The following RRP1B variants were observed in gnomAD, a reference collection of about 807,000 sequenced individuals.
RRP1B encodes ribosomal RNA processing protein 1 homolog B.
Under a neutral mutation model 80.2 loss-of-function variants are expected in RRP1B, and 56 were observed. That is an observed-to-expected ratio of 0.70 (90% CI 0.56 to 0.87). The LOEUF is 0.87. Among genes scored for constraint, RRP1B ranks in the 40% least tolerant of loss-of-function variants. The probability of loss-of-function intolerance (pLI) is 0.00; values close to 1 mark genes in which losing one functional copy is unlikely to be tolerated. For missense variants in RRP1B, 807 were observed against 939.8 expected, an observed-to-expected ratio of 0.86 and a Z score of 1.85; for synonymous variants, 351 against 357.6, an observed-to-expected ratio of 0.98 and a Z score of 0.21.
chr21:43,686,701 C>CGAT, intron 11 of RRP1B, 103 bp from the exon 12 acceptor site: 1 of 1,343,634 alleles, frequency 7.4e-7, no homozygotes, highest in Non-Finnish European at 1.0e-6. Flanking sequence ...CGGTGAGGAA[C>CGAT]GATGATGATG....
intron 11 of RRP1B, chr21:43,686,542 G>A (rs895665316): frequency 6.4e-5 from 23 of 359,300 alleles, no homozygotes; most frequent in African/African-American, 4.5e-4. Flanking sequence ...GGAATGCAGA[G>A]ACTGCATTAG....
chr21:43,681,259 A>C (rs201936444), intron 8 of RRP1B, among the ~76,000 whole-genome samples: 1 of 132,168 alleles, frequency 7.6e-6, no homozygotes, highest in Non-Finnish European at 1.7e-5. Context: ...TAAATAAATA[A>C]ACAGATAGAT....
chr21:43,675,100 T>C lies in RRP1B; in HGVS notation c.486T>C (p.Asn162=), dbSNP rs569182534. The change falls in exon 6 of 16, where the codon AAT becomes AAC. Residue 162 remains asparagine, a synonymous_variant. Transcript: ENST00000340648. Reference sequence around the variant, plus strand: ...TGTGTCCTGAGAGTCAGTCTCCTAATGGAGTGAGATTCCACTTCATTGATA... The same window carrying C: ...TGTGTCCTGAGAGTCAGTCTCCTAACGGAGTGAGATTCCACTTCATTGATA... ...EVLCPESQSP[N]GVRFHFIDIY... 6.2e-7 allele frequency: 1 copy of C among 1,614,110 alleles called. No individual in the cohort carries two copies. Among genetic ancestry groups the C allele is most frequent in the South Asian group, 1.1e-5 (1 of 91,064 alleles).
intron 1 of RRP1B, among the ~76,000 whole-genome samples, chr21:43,668,392 G>T (rs1248299671): frequency 7.0e-6 from 1 of 141,982 alleles, no homozygotes; most frequent in Non-Finnish European, 1.5e-5. Flanking sequence ...ACGGACTCTC[G>T]CTCTGTCGCC....
chr21:43,677,029 C>T (rs1178584633), intron 8 of RRP1B, 115 bp downstream of exon 8: 2 of 1,018,620 alleles, frequency 2.0e-6, no homozygotes, highest in African/African-American at 1.6e-5. Context: ...GTTGATGGCT[C>T]TGCCTCAGCC....
chr21:43,685,733 TTTTTTTATTTTTTA>T (rs758617917), intron 10 of RRP1B, 23 bp from the exon 11 acceptor site: 33 of 1,380,696 alleles, frequency 2.4e-5, no homozygotes, highest in Non-Finnish European at 3.0e-5. Context: ...ACATTTGTTA[TTTTTTTATTTTTTA>T]TTTTTTATTT....
chr21:43,683,004 C>T (rs1434973195), intron 8 of RRP1B, among the ~76,000 whole-genome samples: 1 of 152,164 alleles, frequency 6.6e-6, no homozygotes, highest in African/African-American at 2.4e-5. Context: ...TCCCAAGTAG[C>T]TGGGATTACA....
At chr21:43,689,218 T>C (rs1026896059) in intron 13 of RRP1B, among the ~76,000 whole-genome samples, 1 of 152,180 alleles carries the variant, frequency 6.6e-6, no homozygotes, top group Non-Finnish European at 1.5e-5. Flanking sequence ...AGGGGAGTGG[T>C]AGAGACAGAG....
At chr21:43,684,701 C>A in intron 10 of RRP1B, 51 bp downstream of exon 10, 1 of 1,455,138 alleles carries the variant, frequency 6.9e-7, no homozygotes, top group South Asian at 1.1e-5. Flanking sequence ...TAGTTCTCAT[C>A]TCCTGGTGTG....
intron 8 of RRP1B, 132 bp downstream of exon 8, chr21:43,677,046 A>C: frequency 1.1e-6 from 1 of 880,444 alleles, no homozygotes; most frequent in Non-Finnish European, 1.7e-6. Context: ...AGCCCCTCCC[A>C]AGAAAGGCAG....
chr21:43,674,585 CCTT>C, intron 4 of RRP1B, 48 bp from the exon 5 acceptor site: 1 of 572,684 alleles, frequency 1.7e-6, no homozygotes, highest in Non-Finnish European at 2.5e-6. Flanking sequence ...TCTTACCTTT[CCTT>C]TTTTTTTTTT....
At chr21:43,670,158 CAAATAAAAGGA>C (rs1344175673) in intron 2 of RRP1B, among the ~76,000 whole-genome samples, 192 bp downstream of exon 2, 1 of 152,188 alleles carries the variant, frequency 6.6e-6, no homozygotes, top group Non-Finnish European at 1.5e-5. Context: ...ATTGTCTTTT[CAAATAAAAGGA>C]AAGATGTGCA....
intron 1 of RRP1B, among the ~76,000 whole-genome samples, chr21:43,669,471 A>G (rs934770478): frequency 6.6e-5 from 10 of 152,100 alleles, no homozygotes; most frequent in African/African-American, 9.7e-5. Context: ...GGGGCTTCAT[A>G]TGACTTGAGC....
intron 7 of RRP1B, 115 bp from the exon 8 acceptor site, chr21:43,676,618 T>G: frequency 5.1e-6 from 5 of 975,556 alleles, no homozygotes; most frequent in Non-Finnish European, 7.6e-6. Context: ...TGCTGGCCCG[T>G]GGGGGCCACT....
Position 43,659,849 on chromosome 21 carries a change from G to C in RRP1B, c.130+55G>C. On this transcript the variant is annotated intron_variant, in intron 1 of 15. Coordinates refer to ENST00000340648, the MANE Select transcript of RRP1B (RefSeq NM_015056.3). This position sits in a 1 kb window ranked among gnomAD's most constrained non-coding sequence, Gnocchi z 4.2. Reference sequence around the variant, plus strand: ...ACATGGCGGGCCGGGGGCCGGGGCTGGGGCTAGGGCCAGGGCCCCGGCACG... The same window carrying C: ...ACATGGCGGGCCGGGGGCCGGGGCTCGGGCTAGGGCCAGGGCCCCGGCACG... 6.9e-7 allele frequency: 1 copy of C among 1,456,832 alleles called. No individual in the cohort carries two copies. The highest frequency in any genetic ancestry group is 9.1e-7 in the Non-Finnish European group (1 of 1,097,692). The allele number at this position is 1,456,832 out of a possible 1,614,324, so 90.2% of individuals were successfully genotyped here.
At chr21:43,688,525 C>G (rs1475435924) in intron 13 of RRP1B, among the ~76,000 whole-genome samples, 4 of 152,250 alleles carry the variant, frequency 2.6e-5, no homozygotes. Flanking sequence ...CCAGGCACTC[C>G]TGCCCCAGGC....
intron 1 of RRP1B, among the ~76,000 whole-genome samples, chr21:43,665,042 G>C (rs1180615901): frequency 2.6e-5 from 4 of 152,170 alleles, no homozygotes; most frequent in African/African-American, 4.8e-5. Context: ...CCACTGTCCA[G>C]GGTCTGTTGT....
In RRP1B at chr21:43,695,181, T is replaced by G. The variant is rs897303117; in HGVS notation, c.*1798T>G. The G allele has an allele frequency of 6.6e-5, 10 of 152,190 alleles. No individual in the cohort carries two copies. The highest frequency in any genetic ancestry group is 2.4e-4 in the African/African-American group (10 of 41,444). The allele number at this position is 152,190 out of a possible 1,614,324, so 9.4% of individuals were successfully genotyped here. A position where few individuals can be genotyped will look rare whatever the true frequency, so the allele number is the denominator to read the frequency against. On this transcript the variant is annotated 3_prime_UTR_variant, in exon 16 of 16. Coordinates refer to ENST00000340648, the MANE Select transcript of RRP1B (RefSeq NM_015056.3). Reference sequence around the variant, plus strand: ...CAAATAGTTTTAACTTTTCTTTTTTTTTTTTAAGTTTCATTCTTCCTAGAA... The same window carrying G: ...CAAATAGTTTTAACTTTTCTTTTTTGTTTTTAAGTTTCATTCTTCCTAGAA...
At chr21:43,686,543 A>C in intron 11 of RRP1B, 1 of 360,254 alleles carries the variant, frequency 2.8e-6, no homozygotes, top group Non-Finnish European at 5.2e-6. Flanking sequence ...GAATGCAGAG[A>C]CTGCATTAGC....
Sources: allele counts gnomAD v4.1 joint callset (sites outside exome capture counted in the v4.1 genomes callset), GRCh38; gene constraint gnomAD v4.1.1; non-coding constraint Gnocchi (gnomAD v3.1); transcripts MANE v1.5; gene names NCBI Gene and HGNC (gene_info 2026-07-23, HGNC 2026-07-21).